Variants in MTHFD1L observed in about 807,000 individuals in gnomAD.
MTHFD1L encodes the protein monofunctional C1-tetrahydrofolate synthase, mitochondrial.
MTHFD1L carries 81 observed loss-of-function variants against 119.5 expected under a neutral mutation model. That is an observed-to-expected ratio of 0.68 (90% confidence interval 0.57 to 0.82). The LOEUF (loss-of-function observed/expected upper bound fraction) is 0.82. Among genes scored for constraint, MTHFD1L ranks in the 40% least tolerant of loss-of-function variants. MTHFD1L has a pLI of 0.00. For synonymous variants in MTHFD1L, 430 were observed against 475.2 expected, an observed-to-expected ratio of 0.90 and a Z score of 1.24; for missense variants, 1,125 against 1,253.4, an observed-to-expected ratio of 0.90 and a Z score of 1.55.
intron 10 of MTHFD1L, among the ~76,000 whole-genome samples, 175 bp from the exon 11 acceptor site, chr6:150,925,947 C>G (rs988298682): frequency 6.6e-6 from 1 of 152,098 alleles, no homozygotes; most frequent in African/African-American, 2.4e-5. Flanking sequence ...AATGATACAC[C>G]ATTTTCTCAT....
intron 26 of MTHFD1L, among the ~76,000 whole-genome samples, chr6:151,073,248 G>A (rs1045572468): frequency 6.6e-6 from 1 of 152,172 alleles, no homozygotes; most frequent in African/African-American, 2.4e-5. Flanking sequence ...GAGCATGCAA[G>A]TGCGTACTGA....
At chr6:150,874,960 C>T (rs1009177917) in intron 1 of MTHFD1L, among the ~76,000 whole-genome samples, 8 of 151,928 alleles carry the variant, frequency 5.3e-5, no homozygotes, top group Non-Finnish European at 5.9e-5. Context: ...ATATTGGCCA[C>T]GGTGGTCTTG....
intron 24 of MTHFD1L, among the ~76,000 whole-genome samples, chr6:151,030,398 C>G (rs1436123106): frequency 6.6e-6 from 1 of 152,214 alleles, no homozygotes; most frequent in Non-Finnish European, 1.5e-5. Flanking sequence ...AGAACACACC[C>G]TTCTGGGAGC....
At chr6:151,028,955 T>G (rs1002754144) in intron 24 of MTHFD1L, among the ~76,000 whole-genome samples, 1 of 151,694 alleles carries the variant, frequency 6.6e-6, no homozygotes. Flanking sequence ...CCTGTAGTCA[T>G]AGCTACACAG....
At chr6:150,870,898 CAG>C (rs1779309427) in intron 1 of MTHFD1L, among the ~76,000 whole-genome samples, 1 of 149,854 alleles carries the variant, frequency 6.7e-6, no homozygotes, top group Non-Finnish European at 1.5e-5. Context: ...GCCTGGGAAA[CAG>C]AGCGAGACTC....
chr6:150,922,184 T>C, intron 9 of MTHFD1L, 21 bp from the exon 10 acceptor site: 1 of 1,584,376 alleles, frequency 6.3e-7, no homozygotes, highest in Non-Finnish European at 8.7e-7. Flanking sequence ...TAACATGTTT[T>C]CCCCTCTATC....
At chr6:151,082,857 C>G (rs1377769114) in intron 26 of MTHFD1L, among the ~76,000 whole-genome samples, 1 of 152,180 alleles carries the variant, frequency 6.6e-6, no homozygotes, top group East Asian at 1.9e-4. Context: ...AGCGAAGTAA[C>G]TCACCCAGCA....
At chr6:150,914,296 C>CA (rs575149920) in intron 8 of MTHFD1L, among the ~76,000 whole-genome samples, 40 of 150,504 alleles carry the variant, frequency 2.7e-4, no homozygotes, top group African/African-American at 8.8e-4. Flanking sequence ...GACCTTATCT[C>CA]AAAAAAAAGT....
intron 25 of MTHFD1L, 29 bp from the exon 26 acceptor site, chr6:151,036,936 G>A (rs56120305): frequency 0.024 from 39,116 of 1,611,098 alleles, 1,071 homozygotes; most frequent in Admixed American, 0.14. Context: ...ATCTGTATCA[G>A]TGAACACATT....
intron 24 of MTHFD1L, among the ~76,000 whole-genome samples, chr6:151,026,367 ATACTGC>A (rs1320515426): frequency 6.6e-6 from 1 of 152,238 alleles, no homozygotes; most frequent in African/African-American, 2.4e-5. Flanking sequence ...TTCTAGAGCC[ATACTGC>A]CTGATATCCC....
intron 15 of MTHFD1L, among the ~76,000 whole-genome samples, chr6:150,948,586 A>G (rs1583732040): frequency 6.6e-6 from 1 of 151,464 alleles, no homozygotes. Flanking sequence ...CACCTTCCAA[A>G]GTGCTGGGAT....
intron 26 of MTHFD1L, among the ~76,000 whole-genome samples, chr6:151,040,488 A>G (rs1786928167): frequency 7.0e-6 from 1 of 142,924 alleles, no homozygotes; most frequent in South Asian, 2.4e-4. Flanking sequence ...AGGTAGAAGG[A>G]TTGCTTCAGG....
chr6:150,986,515 C>T (rs913904436), intron 20 of MTHFD1L, among the ~76,000 whole-genome samples: 6 of 152,172 alleles, frequency 3.9e-5, no homozygotes, highest in African/African-American at 1.4e-4. Flanking sequence ...CACCTCAGAT[C>T]ATAAGGCGTG....
chr6:150,913,992 T>A (rs1787416289), intron 8 of MTHFD1L, among the ~76,000 whole-genome samples: 1 of 152,118 alleles, frequency 6.6e-6, no homozygotes, highest in South Asian at 2.1e-4. Flanking sequence ...TAACCAGGCG[T>A]GGTGGCACAT....
chr6:151,003,084 G>A (rs1051172862), intron 20 of MTHFD1L, among the ~76,000 whole-genome samples: 2 of 152,180 alleles, frequency 1.3e-5, no homozygotes, highest in Non-Finnish European at 2.9e-5. Context: ...GCAGAAATGG[G>A]TTCTGTGAAT....
intron 27 of MTHFD1L, chr6:151,099,898 C>G: frequency 7.1e-7 from 1 of 1,400,134 alleles, no homozygotes; most frequent in Non-Finnish European, 1.0e-6. Flanking sequence ...AGTCACCAAC[C>G]CCAGTGCCAG....
chr6:151,021,346 G>A (rs951590424), intron 24 of MTHFD1L, among the ~76,000 whole-genome samples: 31 of 152,094 alleles, frequency 2.0e-4, no homozygotes, highest in African/African-American at 7.0e-4. Flanking sequence ...CCAGGAGTTC[G>A]AGACCAGCCT....
At chr6:151,024,968 G>C (rs1490292704) in intron 24 of MTHFD1L, among the ~76,000 whole-genome samples, 1 of 152,188 alleles carries the variant, frequency 6.6e-6, no homozygotes, top group African/African-American at 2.4e-5. Context: ...TTTTGGGTGA[G>C]ATGAGATCTT....
At chr6:151,091,203 G>A (rs62441058) in intron 26 of MTHFD1L, among the ~76,000 whole-genome samples, 40,618 of 135,974 alleles carry the variant, frequency 0.3, 4,796 homozygotes, top group East Asian at 0.53. Context: ...CGTTCCATGC[G>A]ACTGGGTGCA....
Sources: allele counts gnomAD v4.1 joint callset (sites outside exome capture counted in the v4.1 genomes callset), GRCh38; gene constraint gnomAD v4.1.1; transcripts MANE v1.5; gene names NCBI Gene and HGNC (gene_info 2026-07-23, HGNC 2026-07-21).